CLEC2B: variants seen among roughly 807,000 people sequenced by gnomAD.
CLEC2B encodes the protein C-type (calcium dependent, carbohydrate-recognition domain) lectin, superfamily member 2 (activation-induced).
A neutral mutation model predicts 16.2 loss-of-function variants in CLEC2B; 14 were observed. That is an observed-to-expected ratio of 0.86 (90% CI 0.57 to 1.35). The LOEUF (loss-of-function observed/expected upper bound fraction) is 1.35. Among genes scored for constraint, CLEC2B ranks in the 40% most tolerant of loss-of-function variants. The probability of loss-of-function intolerance (pLI) is 0.00; values close to 1 mark genes in which losing one functional copy is unlikely to be tolerated. For synonymous variants in CLEC2B, 42 were observed against 55.8 expected (o/e 0.75, Z 1.10); for missense variants, 166 against 182.3 (o/e 0.91, Z 0.52).
chr12:9,854,833 A>T, intron 3 of CLEC2B: 1 of 345,094 alleles, frequency 2.9e-6, no homozygotes. Context: ...TATTTATTAC[A>T]CTATTTGTCC....
At chr12:9,853,684 C>A (rs1435690264) in intron 4 of CLEC2B, among the ~76,000 whole-genome samples, 2 of 152,180 alleles carry the variant, frequency 1.3e-5, no homozygotes, top group Non-Finnish European at 2.9e-5. Context: ...GATTTTGCTT[C>A]CAAACCAAGG....
chr12:9,868,142 C>A (rs1867985923), intron 1 of CLEC2B, among the ~76,000 whole-genome samples: 1 of 149,158 alleles, frequency 6.7e-6, no homozygotes, highest in Non-Finnish European at 1.5e-5. Context: ...AAAATATATT[C>A]ATATGTAATA....
At chr12:9,854,658 A>G in intron 3 of CLEC2B, 174 bp from the exon 4 acceptor site, 1 of 521,252 alleles carries the variant, frequency 1.9e-6, no homozygotes, top group Non-Finnish European at 3.4e-6. Flanking sequence ...TCTGACCTTC[A>G]GTTTTTTTTG....
At chr12:9,865,404 C>CT (rs1258656968) in intron 1 of CLEC2B, among the ~76,000 whole-genome samples, 1 of 152,066 alleles carries the variant, frequency 6.6e-6, no homozygotes, top group Non-Finnish European at 1.5e-5. Flanking sequence ...TAAAAGACTA[C>CT]TTTAAAAAGA....
intron 3 of CLEC2B, among the ~76,000 whole-genome samples, chr12:9,856,646 A>G (rs1263718138): frequency 6.6e-6 from 1 of 152,108 alleles, no homozygotes; most frequent in East Asian, 1.9e-4. Context: ...CTCTTGTGCT[A>G]TTCTGCTTTT....
intron 1 of CLEC2B, 148 bp downstream of exon 1, chr12:9,869,057 T>C (rs1299695919): frequency 6.6e-6 from 1 of 152,162 alleles, no homozygotes; most frequent in Non-Finnish European, 1.5e-5. Context: ...AAAACAGTCA[T>C]ATGCAAATCT....
intron 2 of CLEC2B, among the ~76,000 whole-genome samples, chr12:9,858,215 C>T (rs1867908597): frequency 6.6e-6 from 1 of 151,912 alleles, no homozygotes; most frequent in Non-Finnish European, 1.5e-5. Context: ...ACAGGTCTTT[C>T]CATGTGTTCC....
chr12:9,862,418 A>C (rs1867939832), intron 2 of CLEC2B, 81 bp downstream of exon 2: 3 of 1,233,528 alleles, frequency 2.4e-6, no homozygotes, highest in East Asian at 3.6e-5. Flanking sequence ...TGAGATACTG[A>C]GAAAAGATCA....
intron 2 of CLEC2B, among the ~76,000 whole-genome samples, chr12:9,859,194 A>G (rs1183000833): frequency 6.6e-6 from 1 of 152,004 alleles, no homozygotes; most frequent in African/African-American, 2.4e-5. Context: ...ATGATGAAAG[A>G]CTTTTTGAAA....
At chr12:9,861,937 G>A (rs557040227) in intron 2 of CLEC2B, among the ~76,000 whole-genome samples, 1 of 152,084 alleles carries the variant, frequency 6.6e-6, no homozygotes, top group East Asian at 1.9e-4. Flanking sequence ...TTAAGTAGTT[G>A]CAGCAGAGAC....
At chr12:9,853,453 C>T in intron 4 of CLEC2B, 45 bp from the exon 5 acceptor site, 1 of 1,509,932 alleles carries the variant, frequency 6.6e-7, no homozygotes, top group Non-Finnish European at 9.2e-7. Context: ...TGATTTCTTC[C>T]TTGCCCATGG....
chr12:9,861,182 A>T (rs532197458), intron 2 of CLEC2B, among the ~76,000 whole-genome samples: 1 of 152,124 alleles, frequency 6.6e-6, no homozygotes, highest in South Asian at 2.1e-4. Flanking sequence ...ATACCTATAA[A>T]CTACAAAGAG....
At chr12:9,863,762 A>G (rs1339201312) in intron 1 of CLEC2B, among the ~76,000 whole-genome samples, 1 of 152,134 alleles carries the variant, frequency 6.6e-6, no homozygotes, top group Non-Finnish European at 1.5e-5. Flanking sequence ...AAAGGAGAAA[A>G]AAAGAATAAA....
intron 1 of CLEC2B, among the ~76,000 whole-genome samples, chr12:9,864,328 A>G (rs1475844946): frequency 2.6e-5 from 4 of 152,152 alleles, no homozygotes; most frequent in East Asian, 1.9e-4. Context: ...AACCAAAAAG[A>G]AAAAAACACA....
chr12:9,852,758 C>T lies in CLEC2B; in HGVS notation c.*542G>A, dbSNP rs1054488675. On this transcript the variant is annotated 3_prime_UTR_variant, in exon 5 of 5. Transcript: ENST00000228438. ...CTCACCTTCACTCTTAAAGCCCCAC[C>T]CCCCTTTGTTTTGACAGATTTCAGT... Among the ~76,000 whole-genome samples the T allele has an allele frequency of 1.3e-5, 2 of 152,046 alleles. No homozygotes were observed.
chr12:9,855,022 GAAAT>G (rs2136976848), intron 3 of CLEC2B, among the ~76,000 whole-genome samples: 1 of 152,134 alleles, frequency 6.6e-6, no homozygotes, highest in African/African-American at 2.4e-5. Flanking sequence ...ACATCATTCA[GAAAT>G]AAATACAATG....
At chr12:9,863,175 A>G (rs1034662097) in intron 1 of CLEC2B, among the ~76,000 whole-genome samples, 3 of 152,112 alleles carry the variant, frequency 2.0e-5, no homozygotes, top group Non-Finnish European at 4.4e-5. Context: ...TCCCCTTTGG[A>G]AGCACCCTCA....
At chr12:9,863,573 A>G (rs951181903) in intron 1 of CLEC2B, among the ~76,000 whole-genome samples, 1 of 152,204 alleles carries the variant, frequency 6.6e-6, no homozygotes, top group Non-Finnish European at 1.5e-5. Flanking sequence ...CAATTCAGAA[A>G]TATATCAGAG....
intron 3 of CLEC2B, chr12:9,856,886 A>G (rs1226997472): frequency 6.6e-6 from 1 of 152,040 alleles, no homozygotes; most frequent in Non-Finnish European, 1.5e-5. Flanking sequence ...TTGTCATGTA[A>G]ATCAAAATTT....
Sources: gnomAD v4.1 joint callset for allele counts (sites outside exome capture counted in the v4.1 genomes callset) on GRCh38, gnomAD v4.1.1 for gene constraint, MANE v1.5 for transcripts, NCBI Gene and HGNC (gene_info 2026-07-23, HGNC 2026-07-21) for gene names.